Variants in ZNF536 observed in about 807,000 individuals in gnomAD.
ZNF536 encodes the protein zinc finger protein 536.
A neutral mutation model predicts 84.5 loss-of-function variants in ZNF536; 13 were observed. That is an observed-to-expected ratio of 0.15 (90% CI 0.10 to 0.24). The LOEUF is 0.24. ZNF536 is among the 10% of genes least tolerant of loss of function. The pLI is 1.00. For missense variants in ZNF536, 1,536 were observed against 1,747.5 expected (o/e 0.88, Z 2.16); for synonymous variants, 811 against 742.5 (o/e 1.09, Z -1.50).
chr19:30,706,485 CA>C (rs751277069), intron 1 of ZNF536, among the ~76,000 whole-genome samples: 1,309 of 102,968 alleles, frequency 0.013, 5 homozygotes, highest in Middle Eastern at 0.022. Flanking sequence ...AACTCTGTCT[CA>C]AAAAAAAAAA....
chr19:30,308,094 T>A (rs2046394274), intron 2 of ZNF536, among the ~76,000 whole-genome samples: 1 of 152,228 alleles, frequency 6.6e-6, no homozygotes, highest in Non-Finnish European at 1.5e-5. Flanking sequence ...GCTGGTGACA[T>A]CTTGGAGAAC....
chr19:30,595,188 C>A (rs1468783771), intron 1 of ZNF536, among the ~76,000 whole-genome samples: 1 of 152,194 alleles, frequency 6.6e-6, no homozygotes, highest in Non-Finnish European at 1.5e-5. Flanking sequence ...TGATTGGAGA[C>A]CTTCGTTTCC....
chr19:30,458,543 C>CGTGGAGTGAA (rs1201308806), intron 2 of ZNF536, among the ~76,000 whole-genome samples: 4 of 150,116 alleles, frequency 2.7e-5, no homozygotes, highest in African/African-American at 9.9e-5. Flanking sequence ...ACCTCCACCT[C>CGTGGAGTGAA]CCAGGTTCAA....
intron 2 of ZNF536, among the ~76,000 whole-genome samples, chr19:30,323,092 A>T (rs986404573): frequency 4.0e-5 from 6 of 151,302 alleles, no homozygotes; most frequent in African/African-American, 1.5e-4. Flanking sequence ...AGACTCCATG[A>T]TTTTCCTAAT....
chr19:30,281,186 C>T (rs2045430613), intron 1 of ZNF536, among the ~76,000 whole-genome samples: 1 of 152,134 alleles, frequency 6.6e-6, no homozygotes, highest in South Asian at 2.1e-4. Flanking sequence ...TCAGAGAGGC[C>T]TTGGAAGTAC....
chr19:30,377,000 G>A (rs976117173), intron 1 of ZNF536, among the ~76,000 whole-genome samples: 1 of 152,204 alleles, frequency 6.6e-6, no homozygotes, highest in Non-Finnish European at 1.5e-5. Flanking sequence ...GTCCATCAGG[G>A]GAGGCTGGCA....
chr19:30,528,234 T>G (rs1355934737), intron 2 of ZNF536, among the ~76,000 whole-genome samples: 2 of 152,178 alleles, frequency 1.3e-5, no homozygotes, highest in Non-Finnish European at 2.9e-5. Flanking sequence ...CATTATAATT[T>G]TTTTTAATGG....
chr19:30,320,702 G>A (rs1412159871), intron 2 of ZNF536, among the ~76,000 whole-genome samples: 1 of 152,016 alleles, frequency 6.6e-6, no homozygotes, highest in East Asian at 1.9e-4. Flanking sequence ...CCAGGGAAGG[G>A]TAAAACGCTC....
At chr19:30,246,074 ATTGGT>A (rs2024254042) in intron 1 of ZNF536, among the ~76,000 whole-genome samples, 1 of 152,052 alleles carries the variant, frequency 6.6e-6, no homozygotes, top group Non-Finnish European at 1.5e-5. Context: ...CGGCCCCCTG[ATTGGT>A]GAGCCGCTCA....
intron 1 of ZNF536, among the ~76,000 whole-genome samples, chr19:30,625,770 C>A (rs895574046): frequency 2.0e-5 from 3 of 152,148 alleles, no homozygotes; most frequent in African/African-American, 7.2e-5. Context: ...CTCCTTTATG[C>A]CATGTAGGCA....
chr19:30,638,673 G>A (rs1308527193), intron 1 of ZNF536, among the ~76,000 whole-genome samples: 2 of 152,134 alleles, frequency 1.3e-5, no homozygotes, highest in Non-Finnish European at 2.9e-5. Flanking sequence ...GATTTGGGTG[G>A]GGACAGAGAC....
chr19:30,512,593 T>G (rs1483710606), intron 2 of ZNF536, among the ~76,000 whole-genome samples: 1 of 151,982 alleles, frequency 6.6e-6, no homozygotes, highest in African/African-American at 2.4e-5. Context: ...GAGTGTGGGT[T>G]AGAGGTCCCT....
intron 1 of ZNF536, among the ~76,000 whole-genome samples, chr19:30,398,042 A>C (rs1338794461): frequency 6.6e-6 from 1 of 152,220 alleles, no homozygotes; most frequent in Admixed American, 6.5e-5. Context: ...AGAAGTTGCA[A>C]AGATAGTATG....
chr19:30,525,412 C>A (rs1428118433), intron 2 of ZNF536, among the ~76,000 whole-genome samples: 1 of 152,238 alleles, frequency 6.6e-6, no homozygotes, highest in Non-Finnish European at 1.5e-5. Context: ...AACTTGCTTG[C>A]CTTCCCTGAT....
chr19:30,484,174 G>A (rs1482025950), intron 2 of ZNF536, among the ~76,000 whole-genome samples: 1 of 150,296 alleles, frequency 6.7e-6, no homozygotes, highest in East Asian at 2.0e-4. Flanking sequence ...ATGGATGAAT[G>A]TATGTCCCAG....
intron 1 of ZNF536, among the ~76,000 whole-genome samples, chr19:30,687,986 A>G (rs1265942661): frequency 4.0e-5 from 6 of 149,982 alleles, no homozygotes; most frequent in Non-Finnish European, 8.9e-5. Flanking sequence ...TTATTTTTTA[A>G]AAAAGAGCAT....
rs889627634 is a variant in ZNF536, at chr19:30,707,010, C to T, written c.170-3747C>T. Among the ~76,000 whole-genome samples, 12 of 152,270 alleles carry T rather than the reference C, an allele frequency of 7.9e-5. 1 individual carries two copies. Among genetic ancestry groups the T allele is most frequent in the East Asian group, 3.9e-4 (2 of 5,182 alleles). ...TAGGCCTCCAGCTACAAATTGGGCC[C>T]GCCTTTTTCTTGCTTAATAGTGTCC... On this transcript the variant is annotated intron_variant, in intron 1 of 1. Coordinates refer to the ZNF536 transcript ENST00000592773.
chr19:30,352,117 C>A (rs915263669), intron 2 of ZNF536, among the ~76,000 whole-genome samples: 1 of 152,166 alleles, frequency 6.6e-6, no homozygotes, highest in African/African-American at 2.4e-5. Context: ...GCTTGGAATC[C>A]TGATAAATAT....
intron 2 of ZNF536, among the ~76,000 whole-genome samples, chr19:30,533,020 T>G (rs1321492384): frequency 6.6e-6 from 1 of 151,952 alleles, no homozygotes; most frequent in Non-Finnish European, 1.5e-5. Flanking sequence ...TGTGCAAAAT[T>G]ATAGGAAAAA....
Sources: allele counts gnomAD v4.1 joint callset (sites outside exome capture counted in the v4.1 genomes callset), GRCh38; gene constraint gnomAD v4.1.1; transcripts MANE v1.5; gene names NCBI Gene and HGNC (gene_info 2026-07-23, HGNC 2026-07-21).